The following GRID2 variants were observed in gnomAD, a reference collection of about 807,000 sequenced individuals.
GRID2 encodes the protein glutamate ionotropic receptor delta type subunit 2, also known as glutamate receptor ionotropic, delta-2.
A neutral mutation model predicts 114.8 loss-of-function variants in GRID2; 33 were observed. The observed-to-expected ratio is 0.29, with a 90% CI of 0.22 to 0.38. The LOEUF (loss-of-function observed/expected upper bound fraction) is 0.38, where lower values mean the gene tolerates loss of function less well. Among genes scored for constraint, GRID2 ranks in the 10% least tolerant of loss-of-function variants. The pLI, the probability that GRID2 is intolerant of heterozygous loss-of-function variation, is 1.00. For synonymous variants in GRID2, 505 were observed against 449.9 expected (o/e 1.12, Z -1.55); for missense variants, 1,184 against 1,257.7 (o/e 0.94, Z 0.89).
At chr4:93,076,898 T>C (rs552863046) in intron 2 of GRID2, among the ~76,000 whole-genome samples, 1 of 152,242 alleles carries the variant, frequency 6.6e-6, no homozygotes, top group South Asian at 2.1e-4. Flanking sequence ...ATGACTTTTC[T>C]ATCTGTTTCA....
chr4:93,803,990 A>G (rs921384442), intron 1 of GRID2, among the ~76,000 whole-genome samples: 1 of 152,130 alleles, frequency 6.6e-6, no homozygotes, highest in Non-Finnish European at 1.5e-5. Flanking sequence ...CTTCAATGTT[A>G]GGGAGAAAAG....
At chr4:93,790,501 T>C (rs1734674253) in intron 1 of GRID2, among the ~76,000 whole-genome samples, 1 of 151,778 alleles carries the variant, frequency 6.6e-6, no homozygotes, top group African/African-American at 2.4e-5. Context: ...AAGGTATACC[T>C]AATGGTTGCT....
chr4:93,551,170 G>GT (rs1733713910), intron 13 of GRID2, among the ~76,000 whole-genome samples: 1 of 152,218 alleles, frequency 6.6e-6, no homozygotes. Flanking sequence ...TATTAGTACT[G>GT]TAGAGACCAG....
At chr4:93,104,614 A>G (rs1038037198) in intron 3 of GRID2, among the ~76,000 whole-genome samples, 2 of 152,194 alleles carry the variant, frequency 1.3e-5, no homozygotes, top group Non-Finnish European at 2.9e-5. Context: ...AATTTCATCC[A>G]TGTCCCTACA....
At chr4:93,388,958 C>G (rs1429819091) in intron 8 of GRID2, among the ~76,000 whole-genome samples, 1 of 152,042 alleles carries the variant, frequency 6.6e-6, no homozygotes, top group African/African-American at 2.4e-5. Flanking sequence ...TAAGCAGAGA[C>G]AGTGAAGTGA....
intron 8 of GRID2, among the ~76,000 whole-genome samples, chr4:93,324,843 T>A (rs1432772029): frequency 6.6e-6 from 1 of 152,186 alleles, no homozygotes; most frequent in Non-Finnish European, 1.5e-5. Context: ...TATAGTATTC[T>A]CTGGTGGTAG....
At chr4:92,425,832 C>T (rs985855197) in intron 1 of GRID2, among the ~76,000 whole-genome samples, 3 of 152,094 alleles carry the variant, frequency 2.0e-5, no homozygotes, top group African/African-American at 7.2e-5. Context: ...AACTAACTTA[C>T]AAGGTGGTTA....
At chr4:93,027,169 A>G (rs968935688) in intron 2 of GRID2, among the ~76,000 whole-genome samples, 10 of 151,922 alleles carry the variant, frequency 6.6e-5, no homozygotes, top group Non-Finnish European at 1.3e-4. Context: ...GTGGTGATTT[A>G]TTTGCTTCTC....
chr4:93,537,762 T>A (rs1732242039), intron 13 of GRID2, among the ~76,000 whole-genome samples: 1 of 151,780 alleles, frequency 6.6e-6, no homozygotes, highest in African/African-American at 2.4e-5. Flanking sequence ...TAACCTCTAT[T>A]GACTAAGCAA....
chr4:93,481,960 A>C (rs145378785), intron 11 of GRID2, among the ~76,000 whole-genome samples: 1 of 152,168 alleles, frequency 6.6e-6, no homozygotes, highest in African/African-American at 2.4e-5. Flanking sequence ...AGAAGGGTTT[A>C]TATTATTCTT....
chr4:92,435,497 A>G (rs1486926099), intron 1 of GRID2, among the ~76,000 whole-genome samples: 1 of 152,144 alleles, frequency 6.6e-6, no homozygotes, highest in Non-Finnish European at 1.5e-5. Context: ...CATTTATGTC[A>G]TACCCTACTT....
At chr4:92,921,870 A>G (rs1749371408) in intron 2 of GRID2, among the ~76,000 whole-genome samples, 1 of 152,272 alleles carries the variant, frequency 6.6e-6, no homozygotes. Context: ...ACTCTCTTCA[A>G]AGCTGTCATA....
chr4:92,386,232 C>T (rs1729954100), intron 1 of GRID2, among the ~76,000 whole-genome samples: 1 of 151,412 alleles, frequency 6.6e-6, no homozygotes, highest in Non-Finnish European at 1.5e-5. Context: ...ATCATTATTC[C>T]CTTCAGACCT....
chr4:93,664,872 AT>A (rs1723816948), intron 14 of GRID2, among the ~76,000 whole-genome samples: 1 of 152,212 alleles, frequency 6.6e-6, no homozygotes, highest in Admixed American at 6.6e-5. Context: ...AAGAAGAGGT[AT>A]AATGTACCTA....
chr4:92,792,893 ATT>A lies in GRID2; in HGVS notation c.244+202622_244+202623del, dbSNP rs11456511. On this transcript the variant is annotated intron_variant, in intron 2 of 15. Coordinates refer to ENST00000282020, the MANE Select transcript of GRID2 (RefSeq NM_001510.4). Reference sequence around the variant, plus strand: ...CCAGGACCAGCGACTCATAATATCCATTTTTTTTTTTTTTTTGTCATTTTGCA... The same window carrying A: ...CCAGGACCAGCGACTCATAATATCCATTTTTTTTTTTTTTGTCATTTTGCA... Among the ~76,000 whole-genome samples, 1,222 of 133,252 alleles carry A rather than the reference ATT, an allele frequency of 9.2e-3. 18 individuals carry two copies. Among genetic ancestry groups the A allele is most frequent in the African/African-American group, 0.026 (936 of 36,704 alleles). 87.4% of individuals were successfully genotyped at this position (133,252 alleles called of 152,430 possible).
At chr4:92,474,647 G>C (rs1722207199) in intron 1 of GRID2, among the ~76,000 whole-genome samples, 1 of 151,922 alleles carries the variant, frequency 6.6e-6, no homozygotes, top group African/African-American at 2.4e-5. Flanking sequence ...CTGTACAGTG[G>C]TTCCCTTTTC....
intron 2 of GRID2, among the ~76,000 whole-genome samples, chr4:92,924,293 A>C (rs188293573): frequency 2.0e-4 from 30 of 152,214 alleles, no homozygotes; most frequent in African/African-American, 7.0e-4. Context: ...AGAAATAGCT[A>C]ATGTTAAATG....
At chr4:93,478,796 A>G (rs962055098) in intron 11 of GRID2, among the ~76,000 whole-genome samples, 1 of 152,254 alleles carries the variant, frequency 6.6e-6, no homozygotes, top group African/African-American at 2.4e-5. Context: ...TATAAGCTTT[A>G]CAAGTATCAT....
chr4:92,627,154 G>A (rs1231804949), intron 2 of GRID2, among the ~76,000 whole-genome samples: 1 of 152,046 alleles, frequency 6.6e-6, no homozygotes, highest in South Asian at 2.1e-4. Flanking sequence ...TATAAGACAT[G>A]AGAGATTATC....
Sources: allele counts gnomAD v4.1 joint callset (sites outside exome capture counted in the v4.1 genomes callset), GRCh38; gene constraint gnomAD v4.1.1; transcripts MANE v1.5; gene names NCBI Gene and HGNC (gene_info 2026-07-23, HGNC 2026-07-21).